The following CYP2A6 variants were observed in gnomAD, a reference collection of about 807,000 sequenced individuals.
CYP2A6 encodes cytochrome P450 2A6.
CYP2A6 carries 27 observed loss-of-function variants against 42.3 expected under a neutral mutation model. The ratio of observed to expected loss-of-function variants is 0.64; its 90% confidence interval spans 0.47 to 0.88. CYP2A6 has a LOEUF of 0.88. Ranked by LOEUF, CYP2A6 falls within the 40% of genes least tolerant of loss-of-function variation. The probability of loss-of-function intolerance (pLI) is 0.00; values close to 1 mark genes in which losing one functional copy is unlikely to be tolerated. For synonymous variants in CYP2A6, 238 were observed against 246.3 expected (o/e 0.97, Z 0.31); for missense variants, 628 against 646.0 (o/e 0.97, Z 0.30).
In CYP2A6 at chr19:40,848,802, G is replaced by A. The variant is rs765134075; in HGVS notation, c.344-39C>T. On this transcript the variant is annotated intron_variant, in intron 2 of 8. Coordinates refer to ENST00000301141, the MANE Select transcript of CYP2A6 (RefSeq NM_000762.6). ...CGCGGGAATGGAGACAGGCCAGGGG[G>A]CGGCAGGGGCAGGAGCGGAGCAGCT... 9.0e-4 allele frequency: 1,425 copies of A among 1,584,406 alleles called. 27 individuals are homozygous for A. The highest frequency in any genetic ancestry group is 4.1e-4 in the Non-Finnish European group (474 of 1,165,790).
At chr19:40,844,998 GA>G in intron 7 of CYP2A6, 1 of 665,024 alleles carries the variant, frequency 1.5e-6, no homozygotes, top group Non-Finnish European at 2.5e-6. Flanking sequence ...GAGTTTGGGG[GA>G]CCTGAGATTT....
At chr19:40,846,550 G>T (rs988391303) in intron 5 of CYP2A6, among the ~76,000 whole-genome samples, 1 of 151,200 alleles carries the variant, frequency 6.6e-6, no homozygotes, top group South Asian at 2.1e-4. Flanking sequence ...ACCCAGACTG[G>T]AGTGCAATGC....
chr19:40,846,411 C>A (rs949135685), intron 5 of CYP2A6, among the ~76,000 whole-genome samples: 15 of 150,862 alleles, frequency 9.9e-5, no homozygotes, highest in African/African-American at 3.7e-4. Flanking sequence ...GACTCCAACT[C>A]CTGAGCTCAA....
chr19:40,847,326 G>T (rs1967118240), intron 4 of CYP2A6, among the ~76,000 whole-genome samples: 1 of 151,486 alleles, frequency 6.6e-6, no homozygotes, highest in African/African-American at 2.4e-5. Context: ...ACACATCTAG[G>T]TGTTCAGATA....
At position 40,848,754 on chromosome 19, in the gene CYP2A6, A is replaced by G; in HGVS notation, c.353T>C (p.Phe118Ser). ...DWVFKGYGVVFSNGERAKQLR... is the reference protein window; with the variant it reads ...DWVFKGYGVVSSNGERAKQLR... ...CTGCTTGGCGCGCTCCCCGTTGCTGAATACCACGCCTGGGGAGGTGAACGC... is the reference window on the plus strand; with the variant it reads ...CTGCTTGGCGCGCTCCCCGTTGCTGGATACCACGCCTGGGGAGGTGAACGC... Residue 118 changes from phenylalanine to serine, a missense_variant, in exon 3 of 9, where the codon TTC becomes TCC. Phe to Ser is a radical substitution (Grantham distance 155, BLOSUM62 -2). This residue lies in a region of CYP2A6 where 606 missense variants were observed against 568.1 expected (regional missense o/e 1.07). Coordinates refer to ENST00000301141, the MANE Select transcript of CYP2A6 (RefSeq NM_000762.6). 6.2e-7 allele frequency: 1 copy of G among 1,611,356 alleles called. No homozygotes were observed. The highest frequency in any genetic ancestry group is 1.1e-5 in the South Asian group (1 of 90,846).
intron 6 of CYP2A6, 42 bp downstream of exon 6, chr19:40,845,914 G>A (rs1285454979): frequency 6.3e-7 from 1 of 1,594,504 alleles, no homozygotes; most frequent in Admixed American, 1.8e-5. Flanking sequence ...GGGGAATTTT[G>A]AGGGTCTGGG....
intron 8 of CYP2A6, among the ~76,000 whole-genome samples, chr19:40,844,392 T>C (rs1290939343): frequency 6.6e-6 from 1 of 151,344 alleles, no homozygotes; most frequent in African/African-American, 2.4e-5. Context: ...ATCTGAGGAA[T>C]CTGCTGTGTG....
In CYP2A6 at chr19:40,848,254, C is replaced by G; in HGVS notation, c.619G>C (p.Gly207Arg). 6.2e-7 allele frequency: 1 copy of G among 1,611,838 alleles called. No homozygotes were observed. Among genetic ancestry groups the G allele is most frequent in the South Asian group, 1.1e-5 (1 of 90,928 alleles). Residue 207 changes from glycine (G) to arginine (R), a missense_variant, in exon 4 of 9, where the codon GGA becomes CGA. By Grantham distance (125) the Gly-to-Arg change is moderately radical. This residue lies in a region of CYP2A6 where 606 missense variants were observed against 568.1 expected (regional missense o/e 1.07). Transcript: ENST00000301141. ...GAGGTTGACGTGAACTGGAAGATTC[C>G]TAGCATCATGCGCAACAGTGACAGG... The part of the protein sequence containing the change: ...EFLSLLRMML[G>R]IFQFTSTSTG...
chr19:40,847,191 G>C lies in CYP2A6; in HGVS notation c.655-140C>G, dbSNP rs1369511105. On this transcript the variant is annotated intron_variant, in intron 4 of 8. Coordinates refer to ENST00000301141, the MANE Select transcript of CYP2A6 (RefSeq NM_000762.6). ...GTTGTTTAGGTATTTCAGTGGGGCC[G>C]GATAGGAACTTATATCTAAGTTTTC... is the stretch of plus-strand genomic sequence containing the variant. 5.3e-6 allele frequency: 7 copies of C among 1,322,236 alleles called. 1 individual carries two copies. The East Asian group carries it at 1.9e-4, about 36-fold the overall frequency. The allele number at this position is 1,322,236 out of a possible 1,614,324, so 81.9% of individuals were successfully genotyped here.
In CYP2A6 at chr19:40,846,914, T is replaced by C. The variant is rs753756518; in HGVS notation, c.792A>G (p.Pro264=). ...TGAGAAAGGAGTCAATGAAGTCCCGTGGGGAATTGGGATCCAGCGTGCGCT... is the reference window on the plus strand; with the variant it reads ...TGAGAAAGGAGTCAATGAAGTCCCGCGGGGAATTGGGATCCAGCGTGCGCT... ...HNQRTLDPNS[P]RDFIDSFLIR... Residue 264 remains proline, a synonymous_variant, in exon 5 of 9, where the codon CCA becomes CCG. Coordinates refer to ENST00000301141, the MANE Select transcript of CYP2A6 (RefSeq NM_000762.6). 2 of 1,612,026 alleles carry C rather than the reference T, an allele frequency of 1.2e-6. No homozygotes were observed. The highest frequency in any genetic ancestry group is 1.7e-6 in the Non-Finnish European group (2 of 1,179,948).
chr19:40,848,762 G>A lies in CYP2A6; in HGVS notation c.345C>T (p.Gly115=). 1 of 1,610,880 alleles carries A rather than the reference G, an allele frequency of 6.2e-7. No homozygotes were observed. The highest frequency in any genetic ancestry group is 8.5e-7 in the Non-Finnish European group (1 of 1,179,678). ...ATFDWVFKGY[G]VVFSNGERAK... ...CGCGCTCCCCGTTGCTGAATACCACGCCTGGGGAGGTGAACGCGGGAATGG... is the reference window on the plus strand; with the variant it reads ...CGCGCTCCCCGTTGCTGAATACCACACCTGGGGAGGTGAACGCGGGAATGG... The change falls in exon 3 of 9, where the codon GGC becomes GGT. Residue 115 remains glycine (G), a splice_region_variant and synonymous_variant. Coordinates refer to ENST00000301141, the MANE Select transcript of CYP2A6 (RefSeq NM_000762.6).
At chr19:40,845,881 G>C (rs2083453735) in intron 6 of CYP2A6, 75 bp downstream of exon 6, 1 of 1,573,650 alleles carries the variant, frequency 6.4e-7, no homozygotes, top group Non-Finnish European at 8.6e-7. Flanking sequence ...TCTGGGACAG[G>C]TGGGGACATT....
At chr19:40,848,155 C>T (rs1009973484) in intron 4 of CYP2A6, 64 bp downstream of exon 4, 4 of 1,594,270 alleles carry the variant, frequency 2.5e-6, no homozygotes, top group Non-Finnish European at 3.4e-6. Flanking sequence ...GCACCTGTCT[C>T]CAGGTAGGGG....
chr19:40,850,340 G>C lies in CYP2A6; in HGVS notation c.87C>G (p.Ser29Arg). The part of the protein sequence containing the change: ...VLMSVWQQRK[S>R]KGKLPPGPTP... ...TGGGTCCCGGAGGCAGCTTCCCCTT[G>C]CTCTTCCTCTGCTGCCAAACAGACA... Residue 29 changes from serine to arginine, a missense_variant, in exon 1 of 9, where the codon AGC becomes AGG. Ser to Arg is a moderately radical substitution (Grantham distance 110, BLOSUM62 -1). Around this residue, in one of 2 missense-constraint regions of CYP2A6, gnomAD observed 606 missense variants for 568.1 expected, o/e 1.07. Coordinates refer to ENST00000301141, the MANE Select transcript of CYP2A6 (RefSeq NM_000762.6). 15 of 1,610,120 alleles carry C rather than the reference G, an allele frequency of 9.3e-6. 2 individuals carry two copies. The highest frequency in any genetic ancestry group is 1.3e-5 in the Non-Finnish European group (15 of 1,178,854).
At chr19:40,844,980 C>T (rs2083448389) in intron 7 of CYP2A6, 1 of 706,330 alleles carries the variant, frequency 1.4e-6, no homozygotes, top group South Asian at 2.0e-5. Context: ...CCATGTCCTT[C>T]TAGGCAGGAG....
intron 2 of CYP2A6, among the ~76,000 whole-genome samples, 177 bp from the exon 3 acceptor site, chr19:40,848,940 TAGAGAGAGAGAGAG>T (rs67032351): frequency 2.3e-4 from 15 of 66,164 alleles, no homozygotes; most frequent in South Asian, 7.2e-4. Context: ...GATGTCGAGG[TAGAGAGAGAGAGAG>T]AGAGAGAGAG....
At chr19:40,850,104 C>G in intron 1 of CYP2A6, 124 bp from the exon 2 acceptor site, 1 of 1,532,304 alleles carries the variant, frequency 6.5e-7, no homozygotes, top group African/African-American at 1.4e-5. Flanking sequence ...GCTGGACATC[C>G]CAAGATCCTG....
In CYP2A6 at chr19:40,844,702, A is replaced by G; in HGVS notation, c.1232T>C (p.Phe411Ser). ...DPSFFSNPQD[F>S]NPQHFLNEKG... Reference sequence around the variant, plus strand: ...CTCATTCAGGAAGTGCTGGGGATTGAAGTCCTGGGGGTTGGAGAAGAAACT... The same window carrying G: ...CTCATTCAGGAAGTGCTGGGGATTGGAGTCCTGGGGGTTGGAGAAGAAACT... Residue 411 changes from phenylalanine (F) to serine (S), a missense_variant, in exon 8 of 9, where the codon TTC (phenylalanine) becomes TCC (serine). Phe to Ser is a radical substitution (Grantham distance 155, BLOSUM62 -2). Transcript: ENST00000301141. The G allele has an allele frequency of 1.2e-6, 2 of 1,611,734 alleles. No individual in the cohort carries two copies. The highest frequency in any genetic ancestry group is 1.7e-6 in the Non-Finnish European group (2 of 1,179,890).
rs373592802 is a variant in CYP2A6 at position 40,844,622 on chromosome 19, G to C, written c.1303+9C>G. The C allele has an allele frequency of 4.0e-5, 64 of 1,611,398 alleles. 2 individuals carry two copies. The African/African-American group carries it at 7.1e-4, about 18-fold the overall frequency. On this transcript the variant is annotated intron_variant, in intron 8 of 8. Coordinates refer to ENST00000301141, the MANE Select transcript of CYP2A6 (RefSeq NM_000762.6). ...AGCCGTGGCCTGGCAGCAAACAGTGGTCTCTTACCGATGGAAAAGGGCACA... is the reference window on the plus strand; with the variant it reads ...AGCCGTGGCCTGGCAGCAAACAGTGCTCTCTTACCGATGGAAAAGGGCACA...
Sources: gnomAD v4.1 joint callset for allele counts (sites outside exome capture counted in the v4.1 genomes callset) on GRCh38, gnomAD v4.1.1 for gene constraint, gnomAD v4.1.1 regional missense constraint, MANE v1.5 for transcripts, NCBI Gene and HGNC (gene_info 2026-07-23, HGNC 2026-07-21) for gene names.